The following PLCB1 variants were observed in gnomAD, a reference collection of about 807,000 sequenced individuals.
PLCB1 encodes the protein phospholipase C beta 1.
PLCB1 carries 46 observed loss-of-function variants against 161.8 expected under a neutral mutation model. The observed-to-expected ratio is 0.28, with a 90% CI of 0.22 to 0.36. PLCB1 has a LOEUF of 0.36. Ranked by LOEUF, PLCB1 falls within the 10% of genes least tolerant of loss-of-function variation. The pLI is 1.00. For missense variants in PLCB1, 1,016 were observed against 1,472.5 expected, an observed-to-expected ratio of 0.69 and a Z score of 5.07; for synonymous variants, 517 against 503.7, an observed-to-expected ratio of 1.03 and a Z score of -0.35.
intron 3 of PLCB1, among the ~76,000 whole-genome samples, chr20:8,485,232 A>C (rs903547044): frequency 6.6e-6 from 1 of 152,218 alleles, no homozygotes; most frequent in Non-Finnish European, 1.5e-5. Flanking sequence ...AGATTAAGGG[A>C]GTAGATGTAT....
intron 2 of PLCB1, among the ~76,000 whole-genome samples, chr20:8,340,469 C>A (rs1985759103): frequency 6.6e-6 from 1 of 152,164 alleles, no homozygotes; most frequent in Non-Finnish European, 1.5e-5. Context: ...GTCGCCCAGG[C>A]TGGAGTGCAG....
chr20:8,276,814 A>G (rs962903965), intron 2 of PLCB1, among the ~76,000 whole-genome samples: 3 of 152,004 alleles, frequency 2.0e-5, no homozygotes, highest in Non-Finnish European at 4.4e-5. Context: ...CATATATACA[A>G]CAGCACAACC....
intron 3 of PLCB1, among the ~76,000 whole-genome samples, chr20:8,542,935 A>G (rs1337826349): frequency 1.3e-5 from 2 of 152,216 alleles, no homozygotes. Context: ...GCCACAGACT[A>G]TGTATTGCAC....
intron 3 of PLCB1, among the ~76,000 whole-genome samples, chr20:8,617,443 T>C (rs1191293371): frequency 6.6e-6 from 1 of 152,188 alleles, no homozygotes; most frequent in Non-Finnish European, 1.5e-5. Flanking sequence ...TGCTACTTGA[T>C]CTTTTTTTCA....
intron 15 of PLCB1, among the ~76,000 whole-genome samples, chr20:8,724,031 G>A (rs1238042660): frequency 6.6e-6 from 1 of 151,656 alleles, no homozygotes; most frequent in Non-Finnish European, 1.5e-5. Flanking sequence ...GAGAACACAT[G>A]GACACATAAA....
rs113677360 is a variant in PLCB1, at chr20:8,603,471, C to T, written c.247-24823C>T. ...CATCACCAGCTGGCTCCAAATGGGCCACTGCTCTCTCTACAAAGAGGAGGG... is the reference window on the plus strand; with the variant it reads ...CATCACCAGCTGGCTCCAAATGGGCTACTGCTCTCTCTACAAAGAGGAGGG... On this transcript the variant is annotated intron_variant, in intron 3 of 31. Transcript: ENST00000338037. Among the ~76,000 whole-genome samples, 1,204 of 152,312 alleles carry T rather than the reference C, an allele frequency of 7.9e-3. 13 individuals carry two copies. The highest frequency in any genetic ancestry group is 0.027 in the African/African-American group (1,123 of 41,564).
chr20:8,503,302 T>C (rs974152878), intron 3 of PLCB1, among the ~76,000 whole-genome samples: 3 of 152,170 alleles, frequency 2.0e-5, no homozygotes, highest in African/African-American at 7.2e-5. Context: ...GCTGATGGCT[T>C]CTTGGACTGC....
chr20:8,458,090 C>T (rs972368846), intron 3 of PLCB1, among the ~76,000 whole-genome samples: 32 of 152,164 alleles, frequency 2.1e-4, no homozygotes, highest in Non-Finnish European at 1.5e-4. Context: ...GTTGAGCTAA[C>T]TAGATGTGAA....
chr20:8,872,312 C>T (rs1987636400), intron 31 of PLCB1, among the ~76,000 whole-genome samples: 2 of 152,206 alleles, frequency 1.3e-5, no homozygotes, highest in Admixed American at 1.3e-4. Flanking sequence ...TCTACATTGG[C>T]ATGGACTATC....
chr20:8,453,911 G>A (rs1001544150), intron 3 of PLCB1, among the ~76,000 whole-genome samples: 3 of 152,042 alleles, frequency 2.0e-5, no homozygotes, highest in Non-Finnish European at 2.9e-5. Context: ...AGTAATTAAG[G>A]TTAAATGAGG....
chr20:8,490,861 C>CATATATATAT lies in PLCB1; in HGVS notation c.246+119418_246+119427dup, dbSNP rs111442214. Among the ~76,000 whole-genome samples, 497 of 141,880 alleles carry CATATATATAT rather than the reference C, an allele frequency of 3.5e-3. 3 individuals carry two copies. Among genetic ancestry groups the CATATATATAT allele is most frequent in the African/African-American group, 0.012 (470 of 39,678 alleles). The allele number at this position is 141,880 out of a possible 152,430, so 93.1% of individuals were successfully genotyped here. On this transcript the variant is annotated intron_variant, in intron 3 of 31. Transcript: ENST00000338037. The stretch of plus-strand genomic sequence containing the variant: ...AGAGTTGTTGGCTCATATATATAGG[C>CATATATATAT]ATATATATATATATATGTACACATA...
intron 3 of PLCB1, among the ~76,000 whole-genome samples, chr20:8,536,150 T>G (rs1479698169): frequency 6.6e-6 from 1 of 152,058 alleles, no homozygotes; most frequent in Non-Finnish European, 1.5e-5. Context: ...CATGTAAGGA[T>G]GAGGGGATAA....
chr20:8,232,929 A>G lies in PLCB1; in HGVS notation c.177+82558A>G, dbSNP rs1483277285. 3.3e-5 allele frequency among the ~76,000 whole-genome samples: 5 copies of G among 152,236 alleles called. No individual in the cohort carries two copies. In the East Asian group the frequency reaches 9.7e-4, roughly 29 times the overall value. On this transcript the variant is annotated intron_variant, in intron 2 of 31. Transcript: ENST00000338037. Reference sequence around the variant, plus strand: ...TGCAATGTGAATCTGCCACTATGCTATGGGCTGGGCTCTAAGTGGAAATAT... The same window carrying G: ...TGCAATGTGAATCTGCCACTATGCTGTGGGCTGGGCTCTAAGTGGAAATAT...
At chr20:8,264,998 C>T (rs1039723785) in intron 2 of PLCB1, among the ~76,000 whole-genome samples, 3 of 152,138 alleles carry the variant, frequency 2.0e-5, no homozygotes, top group African/African-American at 7.2e-5. Context: ...AGTCCTATCC[C>T]TATTTCTAGC....
intron 2 of PLCB1, among the ~76,000 whole-genome samples, chr20:8,174,990 G>A (rs2051767928): frequency 2.0e-5 from 3 of 152,034 alleles, no homozygotes; most frequent in Admixed American, 2.0e-4. Flanking sequence ...GATGACTTTA[G>A]CACAGGAAAT....
intron 3 of PLCB1, among the ~76,000 whole-genome samples, chr20:8,543,238 G>C (rs916428915): frequency 6.6e-6 from 1 of 152,144 alleles, no homozygotes; most frequent in Non-Finnish European, 1.5e-5. Context: ...AGTTTGGGGA[G>C]CTTAATGGGA....
rs1482318786 is a variant in PLCB1 at position 8,132,608 on chromosome 20, C to A, written c.-44C>A. ...CGCGCCCCGCGCACGGTCCCCAGTC[C>A]CTGCCGCGCTCGCCCGGGCCGCCCG... On this transcript the variant is annotated 5_prime_UTR_variant, in exon 1 of 32. Coordinates refer to ENST00000338037, the MANE Select transcript of PLCB1 (RefSeq NM_015192.4). This position sits in a 1 kb window ranked among gnomAD's most constrained non-coding sequence, Gnocchi z 5.2. The A allele has an allele frequency of 7.0e-7, 1 of 1,425,068 alleles. No homozygotes were observed. The highest frequency in any genetic ancestry group is 9.7e-7 in the Non-Finnish European group (1 of 1,033,530). The allele number at this position is 1,425,068 out of a possible 1,614,324, so 88.3% of individuals were successfully genotyped here. A position where few individuals can be genotyped will look rare whatever the true frequency, so the allele number is the denominator to read the frequency against.
At chr20:8,742,378 ATAAC>A (rs1294772387) in intron 23 of PLCB1, among the ~76,000 whole-genome samples, 1 of 152,200 alleles carries the variant, frequency 6.6e-6, no homozygotes. Context: ...TTTAATAAGT[ATAAC>A]TAATAGTTAT....
chr20:8,399,548 A>T (rs1024562916), intron 3 of PLCB1, among the ~76,000 whole-genome samples: 3 of 152,166 alleles, frequency 2.0e-5, no homozygotes, highest in Admixed American at 6.5e-5. Context: ...GTGGATTCTT[A>T]TTCTAGAATA....
Sources: gnomAD v4.1 joint callset for allele counts (sites outside exome capture counted in the v4.1 genomes callset) on GRCh38, gnomAD v4.1.1 for gene constraint, Gnocchi (gnomAD v3.1) non-coding constraint, MANE v1.5 for transcripts, NCBI Gene and HGNC (gene_info 2026-07-23, HGNC 2026-07-21) for gene names.